Variants in BOP1 observed in about 807,000 individuals in gnomAD.
BOP1 encodes ribosome biogenesis protein BOP1.
Under a neutral mutation model 82.9 loss-of-function variants are expected in BOP1, and 54 were observed. The ratio of observed to expected loss-of-function variants is 0.65; its 90% CI spans 0.52 to 0.82. The LOEUF (loss-of-function observed/expected upper bound fraction) is 0.82, where lower values mean the gene tolerates loss of function less well. Among genes scored for constraint, BOP1 ranks in the 40% least tolerant of loss-of-function variants. The probability of loss-of-function intolerance (pLI) is 0.00; values close to 1 mark genes in which losing one functional copy is unlikely to be tolerated. For missense variants in BOP1, 1,170 were observed against 1,072.0 expected (o/e 1.09, Z -1.28); for synonymous variants, 566 against 451.1 (o/e 1.25, Z -3.23).
At chr8:144,273,484 C>T (rs1442745808) in intron 3 of BOP1, among the ~76,000 whole-genome samples, 7 of 152,254 alleles carry the variant, frequency 4.6e-5, no homozygotes, top group African/African-American at 9.6e-5. Context: ...CCAGAGTGGA[C>T]GGCCACCCAG....
At chr8:144,282,448 G>C (rs1845700069) in intron 2 of BOP1, among the ~76,000 whole-genome samples, 1 of 152,146 alleles carries the variant, frequency 6.6e-6, no homozygotes, top group Non-Finnish European at 1.5e-5. Flanking sequence ...GATGGGGTGG[G>C]CCCTGGGGTG....
chr8:144,278,118 G>A (rs889348107), intron 2 of BOP1, among the ~76,000 whole-genome samples: 27 of 152,200 alleles, frequency 1.8e-4, no homozygotes, highest in South Asian at 6.2e-4. Context: ...GATGGAGCAC[G>A]AGAGTTGCGT....
chr8:144,270,969 C>A (rs1328315794), intron 3 of BOP1, among the ~76,000 whole-genome samples: 1 of 152,264 alleles, frequency 6.6e-6, no homozygotes, highest in East Asian at 1.9e-4. Flanking sequence ...TGGCGGGACA[C>A]ATGATTCATC....
At chr8:144,270,431 T>G (rs1201070308) in intron 3 of BOP1, among the ~76,000 whole-genome samples, 1 of 152,092 alleles carries the variant, frequency 6.6e-6, no homozygotes, top group African/African-American at 2.4e-5. Context: ...CCCTGCTGGT[T>G]GGGGTGCAGC....
chr8:144,262,973 G>T lies in BOP1; in HGVS notation c.1774C>A (p.Pro592Thr). The change falls in exon 13 of 16, where the codon CCC becomes ACC. Residue 592 changes from proline to threonine, a missense_variant. Physicochemically the swap from Pro to Thr is conservative, Grantham distance 38. Transcript: ENST00000569669. ...CGCTGGGACGCCACCAACAGGAAGG[G>T]CCGGGCAGGGTGGAAGGCCACTCGC... Reference protein sequence around the residue: ...VQRVAFHPARPFLLVASQRSV... With the variant: ...VQRVAFHPARTFLLVASQRSV... 6.5e-7 allele frequency: 1 copy of T among 1,550,282 alleles called. No homozygotes were observed.
chr8:144,281,226 C>A (rs1337645411), intron 2 of BOP1, among the ~76,000 whole-genome samples: 400 of 2,454 alleles, frequency 0.16, 190 homozygotes, highest in South Asian at 0.58. Context: ...ACCAGGTCTT[C>A]GGCCTTCCCT....
intron 2 of BOP1, among the ~76,000 whole-genome samples, chr8:144,283,973 C>T (rs566881630): frequency 3.3e-5 from 5 of 152,292 alleles, no homozygotes; most frequent in South Asian, 4.1e-4. Context: ...AGACATTAGC[C>T]GGGCGTGATG....
chr8:144,280,125 G>C (rs1229098351), intron 2 of BOP1, among the ~76,000 whole-genome samples: 2 of 152,226 alleles, frequency 1.3e-5, no homozygotes, highest in Non-Finnish European at 2.9e-5. Flanking sequence ...CAAAGTGTCA[G>C]GGCAGGTGGC....
Position 144,263,862 on chromosome 8 carries a change from T to C in BOP1, c.1190A>G (p.Asp397Gly). Residue 397 changes from aspartate (D) to glycine (G), a missense_variant, in exon 9 of 16, where the codon GAC becomes GGC. By Grantham distance (94) the Asp-to-Gly change is moderately conservative. Transcript: ENST00000569669. Reference sequence around the variant, plus strand: ...CTGGCACGTGGGGAAGGGCTGCAGGTCCCTCGGCCGAGGCAGCTTGGGGAT... The same window carrying C: ...CTGGCACGTGGGGAAGGGCTGCAGGCCCCTCGGCCGAGGCAGCTTGGGGAT... ...DLIPKLPRPRDLQPFPTCQAL... is the reference protein window; with the variant it reads ...DLIPKLPRPRGLQPFPTCQAL... 9 of 1,611,442 alleles carry C rather than the reference T, an allele frequency of 5.6e-6. No individual in the cohort carries two copies. The highest frequency in any genetic ancestry group is 7.6e-6 in the Non-Finnish European group (9 of 1,179,632).
At chr8:144,267,301 C>T (rs1845396876) in intron 3 of BOP1, 11 of 1,214,122 alleles carry the variant, frequency 9.1e-6, no homozygotes, top group Non-Finnish European at 1.1e-5. Flanking sequence ...GGCAGGCACA[C>T]CTGTAACACA....
chr8:144,267,736 G>A (rs1055218872), intron 3 of BOP1, among the ~76,000 whole-genome samples: 6 of 152,178 alleles, frequency 3.9e-5, no homozygotes, highest in Non-Finnish European at 7.3e-5. Context: ...AGATGTGGGG[G>A]CTGGGGGTGA....
At chr8:144,285,432 G>T (rs1466212544) in intron 2 of BOP1, among the ~76,000 whole-genome samples, 2 of 152,212 alleles carry the variant, frequency 1.3e-5, no homozygotes, top group South Asian at 2.1e-4. Context: ...AGGAGGGAGT[G>T]GGGGGACAGG....
At chr8:144,274,916 AG>A (rs1276355609) in intron 3 of BOP1, among the ~76,000 whole-genome samples, 3 of 152,170 alleles carry the variant, frequency 2.0e-5, no homozygotes, top group Non-Finnish European at 4.4e-5. Context: ...AGCCCCTGGG[AG>A]GGGGAGGGGA....
At chr8:144,266,784 G>A in intron 3 of BOP1, 3 of 1,104,306 alleles carry the variant, frequency 2.7e-6, no homozygotes, top group South Asian at 4.3e-5. Context: ...GGAGGGCGGG[G>A]GGCCGGCGGG....
chr8:144,266,871 C>G, intron 3 of BOP1: 1 of 1,478,154 alleles, frequency 6.8e-7, no homozygotes, highest in Non-Finnish European at 9.0e-7. Flanking sequence ...GCGAGCGAGA[C>G]CGCACCAACA....
At chr8:144,267,627 C>T (rs1554837352) in intron 3 of BOP1, among the ~76,000 whole-genome samples, 1 of 152,256 alleles carries the variant, frequency 6.6e-6, no homozygotes, top group African/African-American at 2.4e-5. Context: ...TCTTGGGCAC[C>T]TGCTGTCCGT....
At chr8:144,271,087 GC>G (rs1845484980) in intron 3 of BOP1, among the ~76,000 whole-genome samples, 1 of 151,924 alleles carries the variant, frequency 6.6e-6, no homozygotes, top group Non-Finnish European at 1.5e-5. Flanking sequence ...GCCCCGGCCG[GC>G]CGGCCGGGGG....
At chr8:144,268,147 T>C in intron 3 of BOP1, 1 of 1,550,990 alleles carries the variant, frequency 6.4e-7, no homozygotes, top group East Asian at 2.4e-5. Context: ...AGTTAGGAGG[T>C]GGCCGGCAGC....
intron 3 of BOP1, chr8:144,267,209 G>A (rs1201130663): frequency 5.4e-6 from 8 of 1,492,730 alleles, no homozygotes; most frequent in Non-Finnish European, 7.1e-6. Context: ...GCGCCGAGGG[G>A]GGCCTCCAAC....
Sources: allele counts gnomAD v4.1 joint callset (sites outside exome capture counted in the v4.1 genomes callset), GRCh38; gene constraint gnomAD v4.1.1; transcripts MANE v1.5; gene names NCBI Gene and HGNC (gene_info 2026-07-23, HGNC 2026-07-21).